The following UNC79 variants were observed in gnomAD, a reference collection of about 807,000 sequenced individuals.
The protein encoded by UNC79 is unc-79 subunit of NALCN channel complex.
A neutral mutation model predicts 283.1 loss-of-function variants in UNC79; 37 were observed. That is an observed-to-expected ratio of 0.13 (90% CI 0.10 to 0.17). The LOEUF (loss-of-function observed/expected upper bound fraction) is 0.17. Among genes scored for constraint, UNC79 ranks in the 10% least tolerant of loss-of-function variants. The pLI, the probability that UNC79 is intolerant of heterozygous loss-of-function variation, is 1.00. For missense variants in UNC79, 2,272 were observed against 3,211.1 expected (o/e 0.71, Z 7.07); for synonymous variants, 1,107 against 1,200.2 (o/e 0.92, Z 1.61).
intron 1 of UNC79, among the ~76,000 whole-genome samples, chr14:93,440,162 A>G (rs2056239982): frequency 1.3e-5 from 2 of 149,330 alleles, no homozygotes; most frequent in African/African-American, 4.9e-5. Flanking sequence ...GAGGATGTGC[A>G]TAGGTTATAT....
chr14:93,437,130 T>C (rs1007906456), intron 1 of UNC79, among the ~76,000 whole-genome samples: 12 of 152,152 alleles, frequency 7.9e-5, no homozygotes, highest in Admixed American at 3.3e-4. Flanking sequence ...TGTTATTTTA[T>C]TTTAAGAATA....
intron 1 of UNC79, 74 bp downstream of exon 1, chr14:93,431,125 C>T (rs2055856543): frequency 2.2e-6 from 1 of 451,592 alleles, no homozygotes; most frequent in South Asian, 1.6e-5. Context: ...TTTGCGGCTG[C>T]TGGGAGACCT....
At chr14:93,348,060 G>A (rs2053903834) in intron 1 of UNC79, 5 of 1,612,914 alleles carry the variant, frequency 3.1e-6, no homozygotes, top group Non-Finnish European at 4.2e-6. Context: ...TGTTTTTTAC[G>A]ACCTTCTTAA....
intron 47 of UNC79, among the ~76,000 whole-genome samples, chr14:93,702,988 G>A (rs967922971): frequency 5.3e-5 from 8 of 152,208 alleles, no homozygotes; most frequent in African/African-American, 1.9e-4. Flanking sequence ...TCCCCTCTTC[G>A]GAAGTTGTAT....
At chr14:93,354,854 C>A (rs1006532923) in intron 1 of UNC79, among the ~76,000 whole-genome samples, 1 of 151,926 alleles carries the variant, frequency 6.6e-6, no homozygotes, top group Non-Finnish European at 1.5e-5. Context: ...GGGTTTTGAA[C>A]AGGAAAGGGT....
intron 26 of UNC79, among the ~76,000 whole-genome samples, chr14:93,608,260 G>A (rs185900875): frequency 1.1e-3 from 174 of 152,260 alleles, no homozygotes; most frequent in African/African-American, 4.0e-3. Context: ...GCCAAGTAAG[G>A]GATATTAAGT....
At chr14:93,676,370 T>G (rs879499333) in intron 41 of UNC79, among the ~76,000 whole-genome samples, 3 of 123,302 alleles carry the variant, frequency 2.4e-5, no homozygotes, top group Non-Finnish European at 3.6e-5. Flanking sequence ...CAAAAAGATC[T>G]TTTTGAAGAT....
intron 1 of UNC79, among the ~76,000 whole-genome samples, chr14:93,387,221 G>A (rs1398408725): frequency 6.6e-6 from 1 of 151,996 alleles, no homozygotes; most frequent in Non-Finnish European, 1.5e-5. Context: ...GGGATTTTAG[G>A]CGTGTGCCAC....
At chr14:93,480,205 T>G (rs556475105) in intron 4 of UNC79, among the ~76,000 whole-genome samples, 2 of 152,282 alleles carry the variant, frequency 1.3e-5, no homozygotes, top group South Asian at 4.1e-4. Context: ...AAACAGTAAG[T>G]TGAGTTTACA....
chr14:93,361,258 A>C (rs2054220678), intron 1 of UNC79, among the ~76,000 whole-genome samples: 1 of 37,234 alleles, frequency 2.7e-5, no homozygotes, highest in Non-Finnish European at 6.5e-5. Flanking sequence ...AAAAGAAAAG[A>C]AGGAGGCACA....
chr14:93,386,928 T>C (rs1207730184), intron 1 of UNC79, among the ~76,000 whole-genome samples: 1 of 11,616 alleles, frequency 8.6e-5, no homozygotes, highest in Admixed American at 1.1e-3. Context: ...GTATTTCTGC[T>C]TTTTTTTTTT....
At chr14:93,352,520 A>G (rs7146059) in intron 1 of UNC79, among the ~76,000 whole-genome samples, 21,552 of 152,136 alleles carry the variant, frequency 0.14, 2,190 homozygotes, top group African/African-American at 0.28. Context: ...TATTTTGATG[A>G]ATGAACTCTG....
At chr14:93,681,629 G>A (rs1388939116) in intron 41 of UNC79, among the ~76,000 whole-genome samples, 1 of 152,158 alleles carries the variant, frequency 6.6e-6, no homozygotes, top group Non-Finnish European at 1.5e-5. Flanking sequence ...AAGGCGGAGC[G>A]ACTGGTGCTG....
At chr14:93,506,075 C>T (rs2059522827) in intron 7 of UNC79, among the ~76,000 whole-genome samples, 1 of 151,924 alleles carries the variant, frequency 6.6e-6, no homozygotes, top group Middle Eastern at 3.2e-3. Flanking sequence ...TATCTCTAAG[C>T]TCCTATCTGG....
intron 27 of UNC79, among the ~76,000 whole-genome samples, chr14:93,614,097 A>AT (rs769183207): frequency 6.6e-6 from 1 of 151,252 alleles, no homozygotes; most frequent in Admixed American, 6.6e-5. Flanking sequence ...AGCATGGGAG[A>AT]TTTTTTTCCT....
chr14:93,695,890 C>CAAAAAAAAAA lies in UNC79; in HGVS notation c.7548+1489_7548+1498dup, dbSNP rs535235954. 3.0e-3 allele frequency among the ~76,000 whole-genome samples: 120 copies of CAAAAAAAAAA among 39,414 alleles called. 16 individuals are homozygous for CAAAAAAAAAA. Among genetic ancestry groups the CAAAAAAAAAA allele is most frequent in the African/African-American group, 0.011 (108 of 9,432 alleles). The allele number at this position is 39,414 out of a possible 152,430, so 25.9% of individuals were successfully genotyped here. ...TGGGCAACAGGATGAGACTTTGTCT[C>CAAAAAAAAAA]AAAAAAAAAAAAAAAAAAAAGCAAA... On this transcript the variant is annotated intron_variant, in intron 47 of 48. Transcript: ENST00000555664.
At chr14:93,545,052 G>GCC (rs2061534048) in intron 14 of UNC79, among the ~76,000 whole-genome samples, 1 of 152,144 alleles carries the variant, frequency 6.6e-6, no homozygotes, top group African/African-American at 2.4e-5. Flanking sequence ...TCTCAGTGGT[G>GCC]CCATGTCAGG....
At chr14:93,668,591 TC>T (rs1458971436) in intron 40 of UNC79, among the ~76,000 whole-genome samples, 2 of 151,794 alleles carry the variant, frequency 1.3e-5, no homozygotes, top group African/African-American at 4.8e-5. Context: ...ATGCATGTGA[TC>T]CTAGCACTTT....
chr14:93,622,081 G>C, exon 30 of UNC79: 1 of 1,614,008 alleles, frequency 6.2e-7, no homozygotes, highest in Non-Finnish European at 8.5e-7. Context: ...ATTCAACCTC[G>C]GGGCCTGAAA....
Sources: gnomAD v4.1 joint callset for allele counts (sites outside exome capture counted in the v4.1 genomes callset) on GRCh38, gnomAD v4.1.1 for gene constraint, MANE v1.5 for transcripts, NCBI Gene and HGNC (gene_info 2026-07-23, HGNC 2026-07-21) for gene names.